ADCY2: variants seen among roughly 807,000 people sequenced by gnomAD.
ADCY2 encodes adenylate cyclase 2.
In ADCY2, 31 loss-of-function variants were observed where a neutral mutation model predicts 125.2. The ratio of observed to expected loss-of-function variants is 0.25; its 90% CI spans 0.19 to 0.33. The LOEUF is 0.33. Ranked by LOEUF, ADCY2 falls within the 10% of genes least tolerant of loss-of-function variation. ADCY2 has a pLI of 1.00. For missense variants in ADCY2, 904 were observed against 1,418.2 expected (o/e 0.64, Z 5.82); for synonymous variants, 512 against 548.4 (o/e 0.93, Z 0.93).
intron 2 of ADCY2, among the ~76,000 whole-genome samples, chr5:7,448,436 C>T (rs564956295): frequency 2.6e-5 from 4 of 152,134 alleles, no homozygotes; most frequent in Non-Finnish European, 4.4e-5. Flanking sequence ...CCTGTAACAG[C>T]TGTAGGTGTG....
chr5:7,576,802 T>C (rs1196831235), intron 3 of ADCY2, among the ~76,000 whole-genome samples: 1 of 152,160 alleles, frequency 6.6e-6, no homozygotes, highest in Non-Finnish European at 1.5e-5. Context: ...GTTAAGAGCT[T>C]TCCTAACTAG....
chr5:7,530,609 GAT>G (rs34528234), intron 3 of ADCY2, among the ~76,000 whole-genome samples: 70,172 of 151,602 alleles, frequency 0.46, 17,490 homozygotes, highest in South Asian at 0.57. Context: ...ACCTCATCCA[GAT>G]ATAACCATCT....
At chr5:7,789,549 C>T (rs1289926500) in intron 19 of ADCY2, 93 bp from the exon 20 acceptor site, 4 of 1,332,016 alleles carry the variant, frequency 3.0e-6, no homozygotes, top group Admixed American at 4.5e-5. Context: ...TTTTCGGTTT[C>T]ATTTTGTTCT....
At chr5:7,786,873 T>C (rs1744100098) in intron 19 of ADCY2, among the ~76,000 whole-genome samples, 2 of 152,116 alleles carry the variant, frequency 1.3e-5, no homozygotes, top group Admixed American at 1.3e-4. Context: ...TCTGTCTACG[T>C]AGAAAGATGT....
chr5:7,496,712 A>G (rs1743358015), intron 2 of ADCY2, among the ~76,000 whole-genome samples: 2 of 152,298 alleles, frequency 1.3e-5, no homozygotes, highest in South Asian at 4.1e-4. Flanking sequence ...GAGAGACTCA[A>G]TTGAAAACCA....
At position 7,827,684 on chromosome 5, in the gene ADCY2, G is replaced by C. The variant is rs1745532796; in HGVS notation, c.*813G>C. 1 of 152,344 alleles carries C rather than the reference G, an allele frequency of 6.6e-6. No individual in the cohort carries two copies. The highest frequency in any genetic ancestry group is 1.9e-4 in the East Asian group (1 of 5,340). The allele number at this position is 152,344 out of a possible 1,614,324, so 9.4% of individuals were successfully genotyped here. ...AATATTGAGATGTAATTCAGATTAG[G>C]ACACAGTGTGTGACGCAGATAACTG... On this transcript the variant is annotated 3_prime_UTR_variant, in exon 25 of 25. Coordinates refer to ENST00000338316, the MANE Select transcript of ADCY2 (RefSeq NM_020546.3).
intron 3 of ADCY2, among the ~76,000 whole-genome samples, chr5:7,553,548 C>T (rs1500275): frequency 0.25 from 38,547 of 152,126 alleles, 5,402 homozygotes; most frequent in East Asian, 0.42. Flanking sequence ...TCACCTGCCC[C>T]GTTGCTTCCA....
chr5:7,628,762 G>A (rs1738213603), intron 4 of ADCY2, among the ~76,000 whole-genome samples: 1 of 151,586 alleles, frequency 6.6e-6, no homozygotes, highest in Non-Finnish European at 1.5e-5. Context: ...ACGATGAGAT[G>A]TGTTTGTACT....
intron 2 of ADCY2, among the ~76,000 whole-genome samples, chr5:7,433,701 AATTGT>A (rs1263148412): frequency 1.3e-5 from 2 of 152,170 alleles, no homozygotes; most frequent in Non-Finnish European, 1.5e-5. Context: ...AATAGAATTG[AATTGT>A]ATTGTATTGG....
At chr5:7,759,993 A>T (rs1355638275) in intron 16 of ADCY2, among the ~76,000 whole-genome samples, 1 of 152,190 alleles carries the variant, frequency 6.6e-6, no homozygotes, top group Non-Finnish European at 1.5e-5. Flanking sequence ...GGGGAACTCA[A>T]GATGAGAGAT....
intron 15 of ADCY2, among the ~76,000 whole-genome samples, chr5:7,749,584 A>G (rs1039116528): frequency 1.3e-5 from 2 of 152,224 alleles, no homozygotes; most frequent in African/African-American, 4.8e-5. Flanking sequence ...TACCTGAGGC[A>G]GACTTACCTT....
intron 17 of ADCY2, among the ~76,000 whole-genome samples, chr5:7,772,653 A>C (rs79151566): frequency 0.036 from 5,478 of 152,156 alleles, 319 homozygotes; most frequent in African/African-American, 0.13. Context: ...CTTCCATATA[A>C]GTTTTTTTTA....
chr5:7,726,992 G>C (rs1741952603), intron 13 of ADCY2, among the ~76,000 whole-genome samples, 172 bp from the exon 14 acceptor site: 1 of 152,196 alleles, frequency 6.6e-6, no homozygotes, highest in Non-Finnish European at 1.5e-5. Flanking sequence ...TCATGTGGGG[G>C]AAGGAAAAAC....
At chr5:7,456,573 A>AT (rs879372480) in intron 2 of ADCY2, among the ~76,000 whole-genome samples, 25 of 152,310 alleles carry the variant, frequency 1.6e-4, no homozygotes, top group African/African-American at 4.6e-4. Context: ...ACTTGCTGTG[A>AT]TTTTTAAAAT....
At chr5:7,416,596 A>G (rs1011509654) in intron 2 of ADCY2, among the ~76,000 whole-genome samples, 3 of 152,214 alleles carry the variant, frequency 2.0e-5, no homozygotes, top group Non-Finnish European at 2.9e-5. Flanking sequence ...ATACAAATAA[A>G]CTGGGAGTCT....
At chr5:7,780,221 G>A (rs1450762299) in intron 18 of ADCY2, among the ~76,000 whole-genome samples, 1 of 152,158 alleles carries the variant, frequency 6.6e-6, no homozygotes, top group Non-Finnish European at 1.5e-5. Context: ...AGTTTTCTGG[G>A]GTGTTTTATC....
intron 3 of ADCY2, among the ~76,000 whole-genome samples, chr5:7,625,138 T>A (rs916075619): frequency 3.3e-5 from 5 of 152,256 alleles, no homozygotes; most frequent in African/African-American, 1.2e-4. Context: ...CAAAGCTTTA[T>A]ACATGTGGTT....
At chr5:7,498,507 C>G (rs1743430787) in intron 2 of ADCY2, among the ~76,000 whole-genome samples, 1 of 152,074 alleles carries the variant, frequency 6.6e-6, no homozygotes, top group South Asian at 2.1e-4. Context: ...TTCAGCCTCC[C>G]AAAGTGCTGG....
At chr5:7,618,124 G>A (rs756374035) in intron 3 of ADCY2, among the ~76,000 whole-genome samples, 6 of 152,194 alleles carry the variant, frequency 3.9e-5, no homozygotes, top group Non-Finnish European at 8.8e-5. Context: ...CCTTACGGAT[G>A]TGCTTACTAA....
Sources: allele counts gnomAD v4.1 joint callset (sites outside exome capture counted in the v4.1 genomes callset), GRCh38; gene constraint gnomAD v4.1.1; transcripts MANE v1.5; gene names NCBI Gene and HGNC (gene_info 2026-07-23, HGNC 2026-07-21).